Variants in RERE observed in about 807,000 individuals in gnomAD.
RERE encodes the protein arginine-glutamic acid dipeptide repeats protein.
In RERE, 40 loss-of-function variants were observed where a neutral mutation model predicts 146.1. The observed-to-expected ratio is 0.27, with a 90% CI of 0.21 to 0.36. The LOEUF is 0.36. Ranked by LOEUF, RERE falls within the 10% of genes least tolerant of loss-of-function variation. The probability of loss-of-function intolerance (pLI) is 1.00; values close to 1 mark genes in which losing one functional copy is unlikely to be tolerated. For missense variants in RERE, 1,933 were observed against 2,138.7 expected (o/e 0.90, Z 1.90); for synonymous variants, 1,003 against 866.0 (o/e 1.16, Z -2.78).
At position 8,360,036 on chromosome 1, in the gene RERE, G is replaced by A. The variant is rs201614561; in HGVS notation, c.3396-50C>T. 9.0e-4 allele frequency: 618 copies of A among 683,824 alleles called. 2 individuals carry two copies. In the African/African-American group the frequency reaches 0.01, roughly 11 times the overall value. 42.4% of individuals were successfully genotyped at this position (683,824 alleles called of 1,614,324 possible). On this transcript the variant is annotated intron_variant, in intron 18 of 22. Transcript: ENST00000400908. ...GGGAGCTCCTGCCGAGACCCACCCC[G>A]GCCCTCCCTCCCACCAGAACTTGCC...
chr1:8,564,405 T>C (rs1352781276), intron 4 of RERE, among the ~76,000 whole-genome samples: 2 of 152,194 alleles, frequency 1.3e-5, no homozygotes, highest in Admixed American at 1.3e-4. Context: ...AGGGTAATTA[T>C]ATAAAACATT....
intron 1 of RERE, among the ~76,000 whole-genome samples, chr1:8,804,490 T>C (rs1412225643): frequency 1.3e-5 from 2 of 152,258 alleles, no homozygotes; most frequent in Non-Finnish European, 2.9e-5. Flanking sequence ...ATACTGATTC[T>C]TCCCTTCCTC....
chr1:8,530,685 T>TTTTTC, intron 7 of RERE, among the ~76,000 whole-genome samples: 1 of 135,834 alleles, frequency 7.4e-6, no homozygotes, highest in East Asian at 2.0e-4. Flanking sequence ...TTTTCTTTTT[T>TTTTTC]TTTTTTTTTT....
chr1:8,748,861 T>C (rs778347248), intron 1 of RERE, among the ~76,000 whole-genome samples: 4 of 152,178 alleles, frequency 2.6e-5, no homozygotes, highest in African/African-American at 4.8e-5. Flanking sequence ...AAATAGGTCT[T>C]AAGTGTTCAT....
intron 7 of RERE, among the ~76,000 whole-genome samples, chr1:8,515,438 C>T (rs557072013): frequency 7.9e-5 from 12 of 151,822 alleles, no homozygotes; most frequent in African/African-American, 2.7e-4. Flanking sequence ...TCAAGACCAG[C>T]CTGGACAACA....
intron 11 of RERE, among the ~76,000 whole-genome samples, chr1:8,460,316 A>G (rs1328668553): frequency 6.6e-6 from 1 of 152,204 alleles, no homozygotes; most frequent in Non-Finnish European, 1.5e-5. Context: ...GGGGAAAGAC[A>G]CCCTGCAAAT....
intron 4 of RERE, among the ~76,000 whole-genome samples, chr1:8,577,571 G>GC (rs1254373484): frequency 6.6e-6 from 1 of 152,050 alleles, no homozygotes; most frequent in Non-Finnish European, 1.5e-5. Context: ...ATACTCCTTG[G>GC]CCCCCCATAC....
rs144110194 is a variant in RERE at position 8,642,895 on chromosome 1, A to C, written c.325+13078T>G. Among the ~76,000 whole-genome samples the C allele has an allele frequency of 8.0e-3, 1,213 of 152,286 alleles. 13 individuals carry two copies. Among genetic ancestry groups the C allele is most frequent in the African/African-American group, 0.028 (1,160 of 41,558 alleles). ...AACAGCTGAGACAATGCTACCCAAGAGAGGCACCTAGGGCTAAGCACTCAC... is the reference window on the plus strand; with the variant it reads ...AACAGCTGAGACAATGCTACCCAAGCGAGGCACCTAGGGCTAAGCACTCAC... On this transcript the variant is annotated intron_variant, in intron 2 of 22. Transcript: ENST00000400908.
At chr1:8,745,540 G>A (rs1223883805) in intron 1 of RERE, among the ~76,000 whole-genome samples, 1 of 152,104 alleles carries the variant, frequency 6.6e-6, no homozygotes, top group Admixed American at 6.5e-5. Context: ...CCTAGGTTCA[G>A]CTGTCATGAT....
intron 10 of RERE, among the ~76,000 whole-genome samples, chr1:8,493,638 C>T (rs563944713): frequency 1.6e-4 from 25 of 152,138 alleles, no homozygotes; most frequent in African/African-American, 6.0e-4. Flanking sequence ...CTAGCCGCCT[C>T]GGATTCTCCT....
intron 7 of RERE, among the ~76,000 whole-genome samples, chr1:8,514,544 A>G (rs1645386834): frequency 6.6e-6 from 1 of 152,170 alleles, no homozygotes; most frequent in Non-Finnish European, 1.5e-5. Flanking sequence ...AGCCTAGTCA[A>G]CATGGTGAAA....
chr1:8,687,394 G>A (rs1156951642), intron 1 of RERE, among the ~76,000 whole-genome samples: 1 of 152,136 alleles, frequency 6.6e-6, no homozygotes. Flanking sequence ...AGGCCAAGGA[G>A]GAAGTATAAA....
chr1:8,425,528 G>T (rs1474506734), intron 11 of RERE: 2 of 152,412 alleles, frequency 1.3e-5, no homozygotes, highest in African/African-American at 4.8e-5. Flanking sequence ...GAGGTGGCTT[G>T]GTGACCGGGC....
At chr1:8,810,028 CAG>C (rs1263391339) in intron 1 of RERE, among the ~76,000 whole-genome samples, 14 of 151,584 alleles carry the variant, frequency 9.2e-5, no homozygotes, top group African/African-American at 3.4e-4. Flanking sequence ...TTGTTTGAGA[CAG>C]AGTCTTGCTC....
At chr1:8,728,096 T>C (rs12128827) in intron 1 of RERE, among the ~76,000 whole-genome samples, 33,789 of 152,178 alleles carry the variant, frequency 0.22, 4,669 homozygotes, top group Non-Finnish European at 0.31. Context: ...AGTTCCTGCC[T>C]TTTCTCTTGC....
intron 7 of RERE, among the ~76,000 whole-genome samples, chr1:8,538,417 G>A (rs1240979287): frequency 6.6e-6 from 1 of 152,154 alleles, no homozygotes; most frequent in Non-Finnish European, 1.5e-5. Context: ...TGCACCCTGG[G>A]AATTCTAAGA....
intron 1 of RERE, among the ~76,000 whole-genome samples, chr1:8,741,685 A>C (rs1640313488): frequency 6.6e-6 from 1 of 152,194 alleles, no homozygotes; most frequent in Non-Finnish European, 1.5e-5. Context: ...CCTCCCCAGC[A>C]TTGTGGAACT....
chr1:8,655,727 A>C (rs960598162), intron 2 of RERE, among the ~76,000 whole-genome samples: 1 of 152,268 alleles, frequency 6.6e-6, no homozygotes, highest in African/African-American at 2.4e-5. Flanking sequence ...CAAGCAGCAC[A>C]GGAAAATAAG....
At position 8,590,203 on chromosome 1, in the gene RERE, G is replaced by A. The variant is rs7534226; in HGVS notation, c.522+24358C>T. 3.1e-3 allele frequency among the ~76,000 whole-genome samples: 476 copies of A among 152,196 alleles called. 2 individuals are homozygous for A. Among genetic ancestry groups the A allele is most frequent in the African/African-American group, 0.011 (454 of 41,530 alleles). On this transcript the variant is annotated intron_variant, in intron 4 of 22. Transcript: ENST00000400908. ...AGTGCCATAAAAACAATAAAGATAT[G>A]AAAACTGAGCAGTATCTTAGAAAAT...
Sources: gnomAD v4.1 joint callset for allele counts (sites outside exome capture counted in the v4.1 genomes callset) on GRCh38, gnomAD v4.1.1 for gene constraint, MANE v1.5 for transcripts, NCBI Gene and HGNC (gene_info 2026-07-23, HGNC 2026-07-21) for gene names.